The following BRCA2 variants were observed in gnomAD, a reference collection of about 807,000 sequenced individuals.
BRCA2 encodes BRCA2 DNA repair associated.
BRCA2 carries 203 observed loss-of-function variants against 276.7 expected under a neutral mutation model. The observed-to-expected ratio is 0.73, with a 90% CI of 0.65 to 0.82. The LOEUF (loss-of-function observed/expected upper bound fraction) is 0.82, where lower values mean the gene tolerates loss of function less well. BRCA2 is among the 40% of genes least tolerant of loss of function. The pLI is 0.00. For synonymous variants in BRCA2, 1,289 were observed against 1,338.4 expected (o/e 0.96, Z 0.81); for missense variants, 3,920 against 3,915.0 (o/e 1.00, Z -0.03).
intron 24 of BRCA2, among the ~76,000 whole-genome samples, chr13:32,394,122 C>T (rs2073016709): frequency 6.6e-6 from 1 of 152,024 alleles, no homozygotes; most frequent in Non-Finnish European, 1.5e-5. Context: ...AGAAATCGTC[C>T]TCACTCTTTT....
At chr13:32,380,754 A>G (rs944608475) in intron 24 of BRCA2, among the ~76,000 whole-genome samples, 3 of 151,738 alleles carry the variant, frequency 2.0e-5, no homozygotes, top group African/African-American at 7.3e-5. Flanking sequence ...GTTAACCAGG[A>G]TAGTCTAAAT....
chr13:32,380,534 CTTTTTTTTT>C (rs11451886), intron 24 of BRCA2, among the ~76,000 whole-genome samples: 1 of 101,732 alleles, frequency 9.8e-6, no homozygotes, highest in African/African-American at 3.8e-5. Flanking sequence ...CAGAGTCAAG[CTTTTTTTTT>C]TTTTTTTTTT....
At chr13:32,344,906 T>C (rs1168538076) in intron 12 of BRCA2, among the ~76,000 whole-genome samples, 2 of 152,172 alleles carry the variant, frequency 1.3e-5, no homozygotes, top group Non-Finnish European at 2.9e-5. Context: ...AGTAATATTA[T>C]GCGTTGGTCA....
chr13:32,389,801 C>A (rs577625290), intron 24 of BRCA2, among the ~76,000 whole-genome samples: 1 of 152,300 alleles, frequency 6.6e-6, no homozygotes, highest in Admixed American at 6.5e-5. Context: ...CATCCTGGAA[C>A]CTTTCCTTAT....
At chr13:32,395,955 TCTTTC>T (rs1442300892) in intron 25 of BRCA2, 1 of 245,432 alleles carries the variant, frequency 4.1e-6, no homozygotes, top group Admixed American at 6.4e-5. Flanking sequence ...TTTTTTTCTT[TCTTTC>T]TTTTTTTTTT....
At chr13:32,379,253 G>A (rs773063652) in intron 21 of BRCA2, 64 bp from the exon 22 acceptor site, 3 of 1,526,062 alleles carry the variant, frequency 2.0e-6, no homozygotes, top group Admixed American at 3.4e-5. Context: ...AAGCCATCTA[G>A]TTACAATAGA....
At chr13:32,341,682 C>T (rs2137532237) in intron 11 of BRCA2, among the ~76,000 whole-genome samples, 1 of 151,890 alleles carries the variant, frequency 6.6e-6, no homozygotes, top group East Asian at 2.0e-4. Context: ...CCGGCTAAAA[C>T]GGTGAAACCC....
chr13:32,374,976 G>T (rs577907102), intron 20 of BRCA2, among the ~76,000 whole-genome samples: 193 of 152,332 alleles, frequency 1.3e-3, no homozygotes, highest in African/African-American at 4.4e-3. Context: ...ACATGGCTGG[G>T]GAGGCCTCAG....
rs75257853 is a variant in BRCA2 at position 32,384,860 on chromosome 13, G to A, written c.9256+4715G>A. On this transcript the variant is annotated intron_variant, in intron 24 of 26. Transcript: ENST00000380152. ...ACTAGCCTATGTGAAACACCCGAAA[G>A]GCCAGAATGAGGAAGTGCTGGAGAA... 1,760 of 287,322 alleles carry A rather than the reference G, an allele frequency of 6.1e-3. 68 individuals carry two copies. In the South Asian group the frequency reaches 0.066, roughly 11 times the overall value. The allele number at this position is 287,322 out of a possible 1,614,324, so 17.8% of individuals were successfully genotyped here.
chr13:32,316,331 A>G, intron 1 of BRCA2, 91 bp from the exon 2 acceptor site: 3 of 833,388 alleles, frequency 3.6e-6, no homozygotes. Flanking sequence ...TTAGAATTCA[A>G]ACAAATTTTC....
chr13:32,390,966 G>A (rs1482717536), intron 24 of BRCA2, among the ~76,000 whole-genome samples: 1 of 152,148 alleles, frequency 6.6e-6, no homozygotes, highest in African/African-American at 2.4e-5. Flanking sequence ...TAAGTAGCCT[G>A]CTCAGGGTCA....
At position 32,319,181 on chromosome 13, in the gene BRCA2, G is replaced by A. The variant is rs397507603; in HGVS notation, c.172G>A (p.Glu58Lys). 25 of 1,613,746 alleles carry A rather than the reference G, an allele frequency of 1.5e-5. No homozygotes were observed. The highest frequency in any genetic ancestry group is 1.6e-4 in the Middle Eastern group (1 of 6,084). Residue 58 changes from glutamate (E) to lysine (K), a missense_variant, in exon 3 of 27, where the codon GAA becomes AAA. This residue lies in a region of BRCA2 where 3,263 missense variants were observed against 3,156.9 expected (regional missense o/e 1.03). Transcript: ENST00000380152. ...EESEHKNNNYEPNLFKTPQRK... is the reference protein window; with the variant it reads ...EESEHKNNNYKPNLFKTPQRK... ...ATCTGAACATAAAAACAACAATTAC[G>A]AACCAAACCTATTTAAAACTCCACA... is the stretch of plus-strand genomic sequence containing the variant.
At chr13:32,325,335 C>T in intron 4 of BRCA2, 151 bp downstream of exon 4, 1 of 606,168 alleles carries the variant, frequency 1.6e-6, no homozygotes. Context: ...TAGGTTGAGT[C>T]CTTTAATAGA....
At chr13:32,354,819 G>C (rs771027448) in intron 13 of BRCA2, 42 bp from the exon 14 acceptor site, 2 of 1,292,130 alleles carry the variant, frequency 1.5e-6, no homozygotes, top group Admixed American at 1.7e-5. Flanking sequence ...ATATTTATAT[G>C]TGTACTAGTC....
chr13:32,363,870 T>C (rs190736245), intron 18 of BRCA2, among the ~76,000 whole-genome samples: 5 of 152,352 alleles, frequency 3.3e-5, no homozygotes, highest in African/African-American at 1.2e-4. Flanking sequence ...AATTACATTT[T>C]AGTACTTTTC....
In BRCA2 at chr13:32,356,614, G is replaced by C. The variant is rs2137563739; in HGVS notation, c.7617+5G>C. On this transcript the variant is annotated splice_donor_5th_base_variant and intron_variant, in intron 15 of 26. Coordinates refer to ENST00000380152, the MANE Select transcript of BRCA2 (RefSeq NM_000059.4). The stretch of plus-strand genomic sequence containing the variant: ...TCTGCGTGTTCTCATAAACAGGTAT[G>C]TGTTTGTCTACAATACTGATGGCTT... 6.2e-7 allele frequency: 1 copy of C among 1,613,640 alleles called. No individual in the cohort carries two copies. The highest frequency in any genetic ancestry group is 8.5e-7 in the Non-Finnish European group (1 of 1,179,556).
In BRCA2 at chr13:32,319,587, G is replaced by A. The variant is rs117573552; in HGVS notation, c.316+262G>A. On this transcript the variant is annotated intron_variant, in intron 3 of 26. Transcript: ENST00000380152. ...TGCCAACTGAGATTTGCTGAATTACGTCTTTCTTATGCCAAAAAAACCTAG... is the reference window on the plus strand; with the variant it reads ...TGCCAACTGAGATTTGCTGAATTACATCTTTCTTATGCCAAAAAAACCTAG... 0.016 allele frequency among the ~76,000 whole-genome samples: 2,361 copies of A among 152,146 alleles called. 30 individuals are homozygous for A. Among genetic ancestry groups the A allele is most frequent in the Non-Finnish European group, 0.023 (1,569 of 68,004 alleles).
chr13:32,347,764 C>T (rs2072621637), intron 13 of BRCA2, among the ~76,000 whole-genome samples: 1 of 152,046 alleles, frequency 6.6e-6, no homozygotes, highest in Non-Finnish European at 1.5e-5. Context: ...ATGCCTGACC[C>T]AATAGAAAAG....
chr13:32,373,039 C>G (rs951343076), intron 20 of BRCA2, among the ~76,000 whole-genome samples: 3 of 150,774 alleles, frequency 2.0e-5, no homozygotes, highest in African/African-American at 7.3e-5. Context: ...GTTGTCCAGG[C>G]TAGAGTGCAG....
Sources: gnomAD v4.1 joint callset for allele counts (sites outside exome capture counted in the v4.1 genomes callset) on GRCh38, gnomAD v4.1.1 for gene constraint, gnomAD v4.1.1 regional missense constraint, MANE v1.5 for transcripts, NCBI Gene and HGNC (gene_info 2026-07-23, HGNC 2026-07-21) for gene names.